Variants in SESN2 observed in about 807,000 individuals in gnomAD.
The protein encoded by SESN2 is sestrin 2, also known as sestrin-2.
In SESN2, 42 loss-of-function variants were observed where a neutral mutation model predicts 56.0. That is an observed-to-expected ratio of 0.75 (90% CI 0.59 to 0.97). The LOEUF is 0.97. Among genes scored for constraint, SESN2 ranks in the 50% least tolerant of loss-of-function variants. The pLI, the probability that SESN2 is intolerant of heterozygous loss-of-function variation, is 0.00. For synonymous variants in SESN2, 264 were observed against 267.1 expected, an observed-to-expected ratio of 0.99 and a Z score of 0.11; for missense variants, 507 against 649.4, an observed-to-expected ratio of 0.78 and a Z score of 2.38.
chr1:28,273,575 G>A, intron 6 of SESN2, 67 bp downstream of exon 6: 1 of 1,386,386 alleles, frequency 7.2e-7, no homozygotes, highest in Non-Finnish European at 9.6e-7. Flanking sequence ...GTGAGGAGGA[G>A]CCACCTCCTG....
rs573914611 is a variant in SESN2, at chr1:28,269,304, A to G, written c.156+56A>G. ...TCCCTGGGAAGAAAGGACATGGCAT[A>G]TTGGTAGGCAGGCATCTTTTCCTGT... is the stretch of plus-strand genomic sequence containing the variant. On this transcript the variant is annotated intron_variant, in intron 2 of 9. Transcript: ENST00000253063. 3.4e-6 allele frequency: 4 copies of G among 1,160,892 alleles called. No individual in the cohort carries two copies. The South Asian group carries it at 4.0e-5, about 12-fold the overall frequency. 71.9% of individuals were successfully genotyped at this position (1,160,892 alleles called of 1,614,324 possible).
intron 1 of SESN2, among the ~76,000 whole-genome samples, chr1:28,266,051 C>T (rs1647550736): frequency 6.6e-6 from 1 of 152,192 alleles, no homozygotes; most frequent in Non-Finnish European, 1.5e-5. Flanking sequence ...CTTTTCACTG[C>T]TGTATTCTTG....
Position 28,274,898 on chromosome 1 carries a change from A to G in SESN2, c.1094A>G (p.Glu365Gly). ...CCTGAGGGTGGGCAGCTGCTGGATG[A>G]GAAGTTCCAGGCAGCCTATAGCCTC... ...LYPEGGQLLD[E>G]KFQAAYSLTY... is the part of the protein sequence containing the mutation. The change falls in exon 8 of 10, where the codon GAG becomes GGG. Residue 365 changes from glutamate (E) to glycine (G), a missense_variant. Glu to Gly is a moderately conservative substitution (Grantham distance 98, BLOSUM62 -2). Transcript: ENST00000253063. 6.2e-7 allele frequency: 1 copy of G among 1,614,194 alleles called. No individual in the cohort carries two copies. Among genetic ancestry groups the G allele is most frequent in the Non-Finnish European group, 8.5e-7 (1 of 1,180,024 alleles).
intron 6 of SESN2, 119 bp from the exon 7 acceptor site, chr1:28,273,921 C>A: frequency 2.8e-6 from 2 of 724,280 alleles, no homozygotes; most frequent in Non-Finnish European, 4.8e-6. Context: ...CTCACTATAG[C>A]AAGGGGCTTT....
At chr1:28,280,267 A>C (rs1342756613) in intron 9 of SESN2, among the ~76,000 whole-genome samples, 1 of 152,156 alleles carries the variant, frequency 6.6e-6, no homozygotes, top group Non-Finnish European at 1.5e-5. Context: ...AAAATAAAAA[A>C]ATGTACATAA....
chr1:28,273,683 TC>T (rs879125181), intron 6 of SESN2, among the ~76,000 whole-genome samples, 175 bp downstream of exon 6: 2 of 152,228 alleles, frequency 1.3e-5, no homozygotes, highest in South Asian at 4.1e-4. Context: ...TGCTAGCCTT[TC>T]CGGCTGTGCG....
chr1:28,267,884 C>G (rs942405407), intron 1 of SESN2, among the ~76,000 whole-genome samples: 5 of 152,272 alleles, frequency 3.3e-5, no homozygotes, highest in Middle Eastern at 3.4e-3. Context: ...TGGCGCTGCT[C>G]TCCACTAAAT....
intron 8 of SESN2, among the ~76,000 whole-genome samples, chr1:28,278,764 A>G (rs1461536015): frequency 1.3e-5 from 2 of 152,244 alleles, no homozygotes; most frequent in Non-Finnish European, 2.9e-5. Context: ...TTCCTCATCT[A>G]TAACATGGGG....
In SESN2 at chr1:28,272,794, G is replaced by C. The variant is rs140079903; in HGVS notation, c.750+1G>C. ...CAGGGACCCGTTGAACAACTCTGGG[G>C]TAAGTCACGGGCCTGGGTCTTGATC... On this transcript the variant is annotated splice_donor_variant, in intron 5 of 9. Transcript: ENST00000253063. LOFTEE classifies it high-confidence loss of function. 7.0e-6 allele frequency: 11 copies of C among 1,572,416 alleles called. No individual in the cohort carries two copies. Among genetic ancestry groups the C allele is most frequent in the Non-Finnish European group, 9.6e-6 (11 of 1,151,260 alleles).
rs576641277 is a variant in SESN2, at chr1:28,279,358, C to G, written c.1356+117C>G. The G allele has an allele frequency of 5.1e-6, 5 of 985,182 alleles. No individual in the cohort carries two copies. In the African/African-American group the frequency reaches 8.1e-5, roughly 16 times the overall value. The allele number at this position is 985,182 out of a possible 1,614,324, so 61.0% of individuals were successfully genotyped here. On this transcript the variant is annotated intron_variant, in intron 9 of 9. Transcript: ENST00000253063. ...TGAGTCTGTCCTGCTAGGTGGGACACCTGGGCCTATTCCTCTGGATTGAAG... is the reference window on the plus strand; with the variant it reads ...TGAGTCTGTCCTGCTAGGTGGGACAGCTGGGCCTATTCCTCTGGATTGAAG...
chr1:28,260,172 C>G (rs529480219), intron 1 of SESN2, among the ~76,000 whole-genome samples: 172 of 150,784 alleles, frequency 1.1e-3, no homozygotes, highest in Non-Finnish European at 2.2e-3. Flanking sequence ...CCCTCTCCCC[C>G]TCTCCCTCAC....
rs749723930 is a variant in SESN2, at chr1:28,281,504, T to C, written c.*702T>C. 1 of 152,124 alleles carries C rather than the reference T, an allele frequency of 6.6e-6. No homozygotes were observed. Among genetic ancestry groups the C allele is most frequent in the Admixed American group, 6.5e-5 (1 of 15,276 alleles). 9.4% of individuals were successfully genotyped at this position (152,124 alleles called of 1,614,324 possible). Reference sequence around the variant, plus strand: ...AGAGTTTGAGCCTTTGCTGGTCACATTGCCTTCTGAAGAGGAGGGAGTATT... The same window carrying C: ...AGAGTTTGAGCCTTTGCTGGTCACACTGCCTTCTGAAGAGGAGGGAGTATT... On this transcript the variant is annotated 3_prime_UTR_variant, in exon 10 of 10. Transcript: ENST00000253063.
At chr1:28,274,699 C>T in intron 7 of SESN2, 126 bp from the exon 8 acceptor site, 1 of 754,406 alleles carries the variant, frequency 1.3e-6, no homozygotes, top group South Asian at 1.7e-5. Context: ...AGGCCCAGAG[C>T]AAGCAGCACG....
intron 2 of SESN2, among the ~76,000 whole-genome samples, chr1:28,271,000 A>T (rs1438882594): frequency 1.3e-5 from 2 of 152,194 alleles, no homozygotes; most frequent in African/African-American, 4.8e-5. Context: ...TGGACAACAT[A>T]GTGGGACCCC....
chr1:28,280,101 G>GT lies in SESN2; in HGVS notation c.1357-609dup, dbSNP rs1557736846. Among the ~76,000 whole-genome samples, 3 of 151,908 alleles carry GT rather than the reference G, an allele frequency of 2.0e-5. No homozygotes were observed. The South Asian group carries it at 6.2e-4, about 32-fold the overall frequency. On this transcript the variant is annotated intron_variant, in intron 9 of 9. Transcript: ENST00000253063. ...GATCCTCCTGCCTCAGCCTCTCAAA[G>GT]TTTTTTGTTTTTGTGATGGGGTCAC... is the stretch of plus-strand genomic sequence containing the variant.
chr1:28,271,907 C>G (rs758426779), intron 3 of SESN2, 36 bp downstream of exon 3: 3 of 1,595,800 alleles, frequency 1.9e-6, no homozygotes, highest in Non-Finnish European at 2.6e-6. Flanking sequence ...GGAGAGGTGG[C>G]TTTGTGGTGG....
intron 1 of SESN2, among the ~76,000 whole-genome samples, chr1:28,264,104 G>A (rs536645239): frequency 2.7e-5 from 4 of 148,482 alleles, no homozygotes; most frequent in Non-Finnish European, 4.5e-5. Context: ...TGGCTCAAAC[G>A]CCCATAATCC....
At chr1:28,269,368 T>C in intron 2 of SESN2, 120 bp downstream of exon 2, 1 of 578,502 alleles carries the variant, frequency 1.7e-6, no homozygotes, top group South Asian at 2.7e-5. Flanking sequence ...CTTTCTGATT[T>C]CTGATTCATT....
intron 1 of SESN2, among the ~76,000 whole-genome samples, chr1:28,262,788 C>T (rs376391367): frequency 3.3e-5 from 5 of 151,796 alleles, no homozygotes; most frequent in East Asian, 3.9e-4. Flanking sequence ...ATTAACCCTG[C>T]GTGGTGGCAC....
Sources: gnomAD v4.1 joint callset for allele counts (sites outside exome capture counted in the v4.1 genomes callset) on GRCh38, gnomAD v4.1.1 for gene constraint, MANE v1.5 for transcripts, NCBI Gene and HGNC (gene_info 2026-07-23, HGNC 2026-07-21) for gene names.